The following SPRED2 variants were observed in gnomAD, a reference collection of about 807,000 sequenced individuals.
The protein encoded by SPRED2 is sprouty related EVH1 domain containing 2.
SPRED2 carries 47 observed loss-of-function variants against 43.0 expected under a neutral mutation model. The ratio of observed to expected loss-of-function variants is 1.09; its 90% CI spans 0.87 to 1.40. SPRED2 has a LOEUF of 1.40. Among genes scored for constraint, SPRED2 ranks in the 40% most tolerant of loss-of-function variants. The probability of loss-of-function intolerance (pLI) is 0.00; values close to 1 mark genes in which losing one functional copy is unlikely to be tolerated. For synonymous variants in SPRED2, 225 were observed against 225.7 expected (o/e 1.00, Z 0.03); for missense variants, 561 against 586.4 (o/e 0.96, Z 0.45).
chr2:65,359,837 G>A (rs1175036994), intron 1 of SPRED2, among the ~76,000 whole-genome samples: 2 of 152,034 alleles, frequency 1.3e-5, no homozygotes, highest in Non-Finnish European at 2.9e-5. Flanking sequence ...GGCCAAGGAG[G>A]GTGGATTACC....
Position 65,373,522 on chromosome 2 carries a change from T to C in SPRED2, c.27-28626A>G, listed in dbSNP as rs577964893. ...AACATTAGTCAACAGCAGCAGCTAA[T>C]GTCAATATTAGCTATGGTTATGTAA... On this transcript the variant is annotated intron_variant, in intron 1 of 5. Transcript: ENST00000356388. 3.3e-5 allele frequency among the ~76,000 whole-genome samples: 5 copies of C among 152,354 alleles called. No homozygotes were observed. In the South Asian group the frequency reaches 8.3e-4, roughly 25 times the overall value.
chr2:65,402,617 C>T lies in SPRED2; in HGVS notation c.26+29345G>A, dbSNP rs531381115. 2.9e-3 allele frequency among the ~76,000 whole-genome samples: 436 copies of T among 152,234 alleles called. 2 individuals are homozygous for T. Among genetic ancestry groups the T allele is most frequent in the Non-Finnish European group, 4.4e-3 (298 of 68,010 alleles). On this transcript the variant is annotated intron_variant, in intron 1 of 5. Coordinates refer to ENST00000356388, the MANE Select transcript of SPRED2 (RefSeq NM_181784.3). ...AAAGGAGAAGGGGGTAGGATTGAGC[C>T]CCTGGGGTGCTCTAGAGCCTAAAGC... is the stretch of plus-strand genomic sequence containing the variant.
At chr2:65,374,342 T>C (rs1193115196) in intron 1 of SPRED2, among the ~76,000 whole-genome samples, 2 of 152,160 alleles carry the variant, frequency 1.3e-5, no homozygotes, top group African/African-American at 4.8e-5. Flanking sequence ...GAAGAGAAAA[T>C]TACAGCTGTT....
At chr2:65,358,950 A>G (rs1674730768) in intron 1 of SPRED2, among the ~76,000 whole-genome samples, 1 of 152,162 alleles carries the variant, frequency 6.6e-6, no homozygotes, top group Non-Finnish European at 1.5e-5. Context: ...AGGAGGAGGA[A>G]TTCTTCTTAA....
intron 2 of SPRED2, among the ~76,000 whole-genome samples, chr2:65,336,159 A>C (rs558807421): frequency 6.6e-6 from 1 of 152,320 alleles, no homozygotes; most frequent in South Asian, 2.1e-4. Context: ...GTTTGAGACC[A>C]GCCTGGGCAA....
At chr2:65,419,109 TACC>T (rs1203769242) in intron 1 of SPRED2, among the ~76,000 whole-genome samples, 1 of 152,136 alleles carries the variant, frequency 6.6e-6, no homozygotes, top group Admixed American at 6.5e-5. Context: ...TCCCAGAACT[TACC>T]ACACTTGGCA....
chr2:65,377,559 G>A (rs1044389723), intron 1 of SPRED2: 16 of 471,048 alleles, frequency 3.4e-5, no homozygotes, highest in Non-Finnish European at 7.0e-5. Flanking sequence ...GAACACTGTG[G>A]CAAAGCAATG....
At position 65,311,391 on chromosome 2, in the gene SPRED2, A is replaced by G. The variant is rs1308910669; in HGVS notation, c.*2110T>C. On this transcript the variant is annotated 3_prime_UTR_variant, in exon 6 of 6. Transcript: ENST00000356388. ...AGGGTGGAAAAGGACAAGGGGTGAA[A>G]GAAGAGAGAAACAGGTAACAACTAA... The G allele has an allele frequency of 2.0e-6, 2 of 985,938 alleles. No homozygotes were observed. The highest frequency in any genetic ancestry group is 4.7e-5 in the South Asian group (1 of 21,290). 61.1% of individuals were successfully genotyped at this position (985,938 alleles called of 1,614,324 possible). A position where few individuals can be genotyped will look rare whatever the true frequency, so the allele number is the denominator to read the frequency against.
chr2:65,414,145 A>C (rs1379177680), intron 1 of SPRED2, among the ~76,000 whole-genome samples: 1 of 152,248 alleles, frequency 6.6e-6, no homozygotes, highest in African/African-American at 2.4e-5. Flanking sequence ...GAGCATTTTC[A>C]AAGAACAATT....
At chr2:65,389,467 C>T (rs1350149356) in intron 1 of SPRED2, among the ~76,000 whole-genome samples, 1 of 152,068 alleles carries the variant, frequency 6.6e-6, no homozygotes, top group Non-Finnish European at 1.5e-5. Context: ...ACACACAGTC[C>T]AAATTTAAAC....
At chr2:65,402,508 G>C (rs996521592) in intron 1 of SPRED2, among the ~76,000 whole-genome samples, 3 of 152,144 alleles carry the variant, frequency 2.0e-5, no homozygotes, top group African/African-American at 7.2e-5. Flanking sequence ...GGCCAGGCTG[G>C]AGAAATCAAT....
chr2:65,316,473 A>C (rs375703817), intron 5 of SPRED2, among the ~76,000 whole-genome samples: 11 of 152,338 alleles, frequency 7.2e-5, no homozygotes, highest in African/African-American at 2.4e-4. Context: ...GGGGAGGCTG[A>C]AGACTTGCCT....
Position 65,312,686 on chromosome 2 carries a change from A to G in SPRED2, c.*815T>C. 7 of 985,862 alleles carry G rather than the reference A, an allele frequency of 7.1e-6. No homozygotes were observed. Among genetic ancestry groups the G allele is most frequent in the Non-Finnish European group, 8.4e-6 (7 of 829,932 alleles). 61.1% of individuals were successfully genotyped at this position (985,862 alleles called of 1,614,324 possible). ...AGGGGTAATGGGGAGGCTCATAGAA[A>G]CCTGAAATCCCCATTCTAGCCCTGG... On this transcript the variant is annotated 3_prime_UTR_variant, in exon 6 of 6. Transcript: ENST00000356388.
At chr2:65,353,811 T>C (rs1162282038) in intron 1 of SPRED2, among the ~76,000 whole-genome samples, 1 of 152,206 alleles carries the variant, frequency 6.6e-6, no homozygotes, top group Non-Finnish European at 1.5e-5. Context: ...TCCCCATCGC[T>C]GAGTGCTACC....
chr2:65,390,922 A>G (rs994381533), intron 1 of SPRED2, among the ~76,000 whole-genome samples: 3 of 151,958 alleles, frequency 2.0e-5, no homozygotes, highest in Non-Finnish European at 4.4e-5. Context: ...CGTCTCTACA[A>G]AAAATGCAAA....
intron 1 of SPRED2, chr2:65,380,482 G>A (rs558760822): frequency 1.3e-5 from 2 of 152,162 alleles, no homozygotes; most frequent in South Asian, 4.2e-4. Flanking sequence ...TCATGAATGA[G>A]TCAGCCATTA....
chr2:65,413,604 A>C (rs914455430), intron 1 of SPRED2, among the ~76,000 whole-genome samples: 1 of 152,208 alleles, frequency 6.6e-6, no homozygotes, highest in Non-Finnish European at 1.5e-5. Context: ...CTGCATACCC[A>C]AGTCACCGTG....
chr2:65,321,504 TAAAAAAAAAAAAA>T (rs70943644), intron 4 of SPRED2, among the ~76,000 whole-genome samples: 4 of 55,778 alleles, frequency 7.2e-5, no homozygotes, highest in Admixed American at 5.0e-4. Context: ...AGACCCTGTC[TAAAAAAAAAAAAA>T]AAAAAAAAAA....
At chr2:65,387,475 A>G (rs946148752) in intron 1 of SPRED2, among the ~76,000 whole-genome samples, 3 of 152,222 alleles carry the variant, frequency 2.0e-5, no homozygotes, top group African/African-American at 4.8e-5. Context: ...ACAGCTAAAT[A>G]TATTCAATTC....
Sources: allele counts gnomAD v4.1 joint callset (sites outside exome capture counted in the v4.1 genomes callset), GRCh38; gene constraint gnomAD v4.1.1; transcripts MANE v1.5; gene names NCBI Gene and HGNC (gene_info 2026-07-23, HGNC 2026-07-21).